CATSPERT: variants seen among roughly 807,000 people sequenced by gnomAD.
CATSPERT encodes the protein cation channel sperm-associated targeting subunit tau.
the CATSPERT span, chr2:201,493,704 T>C: frequency 6.5e-7 from 1 of 1,537,454 alleles, no homozygotes; most frequent in African/African-American, 1.4e-5. Flanking sequence ...CTTTCACTTC[T>C]ATCTCCAATT....
the CATSPERT span, among the ~76,000 whole-genome samples, chr2:201,540,800 A>G: frequency 6.6e-6 from 1 of 152,200 alleles, no homozygotes; most frequent in Non-Finnish European, 1.5e-5. Context: ...CTCATTTCAG[A>G]AATACATTTT....
the CATSPERT span, among the ~76,000 whole-genome samples, chr2:201,594,513 T>C: frequency 6.6e-6 from 1 of 152,214 alleles, no homozygotes; most frequent in East Asian, 1.9e-4. Context: ...TTCCTGAATC[T>C]GAATGTTGGC....
At chr2:201,507,845 T>C in the CATSPERT span, among the ~76,000 whole-genome samples, 1 of 152,130 alleles carries the variant, frequency 6.6e-6, no homozygotes, top group Admixed American at 6.6e-5. Flanking sequence ...AAGCAAGGCC[T>C]TCTTCACATG....
At chr2:201,516,756 TC>T in the CATSPERT span, among the ~76,000 whole-genome samples, 28 of 106,610 alleles carry the variant, frequency 2.6e-4, no homozygotes, top group Admixed American at 1.3e-3. Flanking sequence ...AGATTTTTTT[TC>T]CCCCCTACCA....
the CATSPERT span, chr2:201,496,041 A>G: frequency 9.3e-5 from 96 of 1,034,420 alleles, no homozygotes; most frequent in African/African-American, 1.3e-3. Flanking sequence ...TATTCTTGCA[A>G]TAGTTATTAG....
At chr2:201,550,217 GA>G in the CATSPERT span, 9 of 152,178 alleles carry the variant, frequency 5.9e-5, no homozygotes, top group African/African-American at 2.2e-4. Context: ...ACAATGCTCA[GA>G]AATTTGTGGA....
At chr2:201,581,037 T>G in the CATSPERT span, among the ~76,000 whole-genome samples, 2 of 152,198 alleles carry the variant, frequency 1.3e-5, no homozygotes, top group Admixed American at 1.3e-4. Flanking sequence ...TGTTTAACTT[T>G]ATTTAGCCAT....
At chr2:201,598,958 G>A in the CATSPERT span, among the ~76,000 whole-genome samples, 1 of 152,020 alleles carries the variant, frequency 6.6e-6, no homozygotes, top group African/African-American at 2.4e-5. Flanking sequence ...GAAAACTAGA[G>A]ACCATTCCTA....
the CATSPERT span, among the ~76,000 whole-genome samples, chr2:201,516,547 T>C: frequency 1.3e-5 from 2 of 152,014 alleles, no homozygotes; most frequent in South Asian, 2.1e-4. Flanking sequence ...CCTTGACATA[T>C]GGGGATTATA....
the CATSPERT span, among the ~76,000 whole-genome samples, chr2:201,500,596 TC>T: frequency 1.3e-5 from 2 of 152,190 alleles, no homozygotes; most frequent in African/African-American, 4.8e-5. Context: ...CTTGTCTTTT[TC>T]TTTCTTCCTG....
the CATSPERT span, chr2:201,496,030 T>TGA: frequency 8.8e-7 from 1 of 1,132,992 alleles, no homozygotes; most frequent in Non-Finnish European, 1.3e-6. Context: ...CAAGATCATT[T>TGA]TATTCTTGCA....
chr2:201,566,148 G>A, the CATSPERT span, among the ~76,000 whole-genome samples: 2 of 151,956 alleles, frequency 1.3e-5, no homozygotes, highest in Admixed American at 1.3e-4. Context: ...CAAAGTATTT[G>A]AGCCCAGACC....
At chr2:201,589,762 G>T in the CATSPERT span, among the ~76,000 whole-genome samples, 1 of 152,016 alleles carries the variant, frequency 6.6e-6, no homozygotes, top group African/African-American at 2.4e-5. Flanking sequence ...TGACAAATGG[G>T]ATCTAATTAA....
the CATSPERT span, chr2:201,491,173 A>G: frequency 1.7e-5 from 26 of 1,527,008 alleles, no homozygotes; most frequent in Non-Finnish European, 2.3e-5. Context: ...TATTACATGT[A>G]TAGTTCTTCT....
the CATSPERT span, among the ~76,000 whole-genome samples, chr2:201,520,200 T>C: frequency 1.3e-5 from 2 of 152,202 alleles, no homozygotes; most frequent in Non-Finnish European, 2.9e-5. Context: ...AAGAGAGGGA[T>C]AGGCTCCAAT....
the CATSPERT span, among the ~76,000 whole-genome samples, chr2:201,496,339 T>C: frequency 6.6e-6 from 1 of 152,122 alleles, no homozygotes; most frequent in Non-Finnish European, 1.5e-5. Flanking sequence ...TAGCATTTTA[T>C]TTATTTATTT....
At chr2:201,567,011 C>T in the CATSPERT span, among the ~76,000 whole-genome samples, 2 of 152,138 alleles carry the variant, frequency 1.3e-5, no homozygotes, top group African/African-American at 4.8e-5. Context: ...TGGTAAGTGG[C>T]AAAGCTAACA....
the CATSPERT span, among the ~76,000 whole-genome samples, chr2:201,504,763 G>A: frequency 6.6e-6 from 1 of 152,202 alleles, no homozygotes; most frequent in Non-Finnish European, 1.5e-5. Context: ...TGAAGAACTA[G>A]GGGCTATTCC....
At chr2:201,618,341 A>G in the CATSPERT span, among the ~76,000 whole-genome samples, 1,204 of 152,316 alleles carry the variant, frequency 7.9e-3, 17 homozygotes, top group African/African-American at 0.028. Flanking sequence ...TGGATTAAGA[A>G]AATGTGGCAC....
Sources: gnomAD v4.1 joint callset for allele counts (sites outside exome capture counted in the v4.1 genomes callset) on GRCh38, gnomAD v4.1.1 for gene constraint, MANE v1.5 for transcripts, NCBI Gene and HGNC (gene_info 2026-07-23, HGNC 2026-07-21) for gene names.